Variants in FAF1 observed in about 807,000 individuals in gnomAD.
The protein encoded by FAF1 is FAS-associated factor 1.
In FAF1, 25 loss-of-function variants were observed where a neutral mutation model predicts 92.5. The observed-to-expected ratio is 0.27, with a 90% confidence interval of 0.20 to 0.38. The LOEUF (loss-of-function observed/expected upper bound fraction) is 0.38, where lower values mean the gene tolerates loss of function less well. FAF1 is among the 10% of genes least tolerant of loss of function. The probability of loss-of-function intolerance (pLI) is 1.00; values close to 1 mark genes in which losing one functional copy is unlikely to be tolerated. For missense variants in FAF1, 636 were observed against 793.3 expected (o/e 0.80, Z 2.38); for synonymous variants, 234 against 273.2 (o/e 0.86, Z 1.42).
intron 15 of FAF1, among the ~76,000 whole-genome samples, chr1:50,525,175 T>A (rs1267537523): frequency 6.6e-6 from 1 of 152,222 alleles, no homozygotes. Context: ...CGTGAGCCAC[T>A]GTGCCTGGCC....
At chr1:50,862,373 C>A (rs560300089) in intron 1 of FAF1, among the ~76,000 whole-genome samples, 25 of 151,796 alleles carry the variant, frequency 1.6e-4, no homozygotes, top group African/African-American at 6.0e-4. Flanking sequence ...AATAAAGTGT[C>A]AAAAATAGAG....
chr1:50,905,961 A>T (rs1027976654), intron 1 of FAF1, among the ~76,000 whole-genome samples: 14 of 152,108 alleles, frequency 9.2e-5, no homozygotes, highest in Non-Finnish European at 1.9e-4. Context: ...CCCATGCCTA[A>T]GTCCTGAATG....
At chr1:50,826,339 T>G (rs1010684869) in intron 2 of FAF1, among the ~76,000 whole-genome samples, 11 of 152,046 alleles carry the variant, frequency 7.2e-5, no homozygotes, top group Admixed American at 1.3e-4. Flanking sequence ...TCACTTGAGA[T>G]CTGGAGTTCA....
chr1:50,623,883 A>C (rs982313664), intron 8 of FAF1, among the ~76,000 whole-genome samples: 6 of 151,810 alleles, frequency 4.0e-5, no homozygotes, highest in Admixed American at 6.6e-5. Flanking sequence ...GGCTGCAGTG[A>C]GTTGTGATTG....
At chr1:50,823,611 A>C (rs913973939) in intron 2 of FAF1, among the ~76,000 whole-genome samples, 3 of 152,164 alleles carry the variant, frequency 2.0e-5, no homozygotes, top group Non-Finnish European at 2.9e-5. Flanking sequence ...TTCCAAAGAA[A>C]AGAGAAAACT....
At chr1:50,509,276 A>C (rs1372830167) in intron 15 of FAF1, among the ~76,000 whole-genome samples, 4 of 152,208 alleles carry the variant, frequency 2.6e-5, no homozygotes, top group African/African-American at 9.6e-5. Flanking sequence ...TAAAGTATAA[A>C]TGATGAGGGC....
chr1:50,751,150 T>TAA lies in FAF1; in HGVS notation c.368-6377_368-6376dup, dbSNP rs201412517. Among the ~76,000 whole-genome samples, 97 of 141,236 alleles carry TAA rather than the reference T, an allele frequency of 6.9e-4. No homozygotes were observed. The East Asian group carries it at 9.4e-3, about 14-fold the overall frequency. 92.7% of individuals were successfully genotyped at this position (141,236 alleles called of 152,430 possible). ...ACAATATTCAACACCCATTTCATGTTAAAAAAAAAAAAGAGCTAAACTTAG... is the reference window on the plus strand; with the variant it reads ...ACAATATTCAACACCCATTTCATGTTAAAAAAAAAAAAAAGAGCTAAACTTAG... On this transcript the variant is annotated intron_variant, in intron 4 of 18. Coordinates refer to ENST00000396153, the MANE Select transcript of FAF1 (RefSeq NM_007051.3).
At chr1:50,718,838 G>A (rs536889777) in intron 6 of FAF1, among the ~76,000 whole-genome samples, 1 of 151,500 alleles carries the variant, frequency 6.6e-6, no homozygotes, top group Non-Finnish European at 1.5e-5. Context: ...TATCTCTTTA[G>A]CTACATCAAG....
At position 50,468,927 on chromosome 1, in the gene FAF1, C is replaced by T. The variant is rs142373908; in HGVS notation, c.1869+6537G>A. Among the ~76,000 whole-genome samples, 9 of 152,264 alleles carry T rather than the reference C, an allele frequency of 5.9e-5. No homozygotes were observed. The East Asian group carries it at 1.7e-3, about 29-fold the overall frequency. On this transcript the variant is annotated intron_variant, in intron 18 of 18. Transcript: ENST00000396153. Reference sequence around the variant, plus strand: ...TAAAATTTAAAAAATTTAAAACTTACAATTTAGAAAATAAATTTCTTAAAC... The same window carrying T: ...TAAAATTTAAAAAATTTAAAACTTATAATTTAGAAAATAAATTTCTTAAAC...
intron 2 of FAF1, among the ~76,000 whole-genome samples, chr1:50,834,919 T>C (rs1175148256): frequency 6.6e-6 from 1 of 152,204 alleles, no homozygotes; most frequent in Non-Finnish European, 1.5e-5. Context: ...GTGAAGGCAT[T>C]ATAAAGACTT....
intron 18 of FAF1, among the ~76,000 whole-genome samples, chr1:50,466,049 A>T (rs896260526): frequency 6.6e-6 from 1 of 152,196 alleles, no homozygotes; most frequent in Admixed American, 6.5e-5. Flanking sequence ...ATTAAAAAAA[A>T]ATCGCTGTCT....
intron 8 of FAF1, among the ~76,000 whole-genome samples, chr1:50,654,997 T>G (rs995545126): frequency 6.7e-6 from 1 of 148,254 alleles, no homozygotes; most frequent in African/African-American, 2.5e-5. Context: ...TGAGATGGAG[T>G]TTCGCTTTTG....
intron 7 of FAF1, among the ~76,000 whole-genome samples, chr1:50,661,302 C>T (rs1010230282): frequency 4.6e-5 from 7 of 152,076 alleles, no homozygotes; most frequent in East Asian, 1.9e-4. Flanking sequence ...TGCCAGAACG[C>T]TACTGTGATA....
intron 8 of FAF1, among the ~76,000 whole-genome samples, chr1:50,624,752 C>A (rs1653411792): frequency 6.6e-6 from 1 of 152,144 alleles, no homozygotes; most frequent in Admixed American, 6.5e-5. Flanking sequence ...CACATATATT[C>A]CCTTGGTGTG....
At chr1:50,442,793 T>C (rs775677663) in intron 18 of FAF1, among the ~76,000 whole-genome samples, 1 of 152,170 alleles carries the variant, frequency 6.6e-6, no homozygotes, top group Non-Finnish European at 1.5e-5. Context: ...AAGGGGAAAC[T>C]ATCTTCAGCT....
chr1:50,629,327 G>A lies in FAF1; in HGVS notation c.744+26115C>T, dbSNP rs146715768. On this transcript the variant is annotated intron_variant, in intron 8 of 18. Coordinates refer to ENST00000396153, the MANE Select transcript of FAF1 (RefSeq NM_007051.3). Reference sequence around the variant, plus strand: ...TGAAATTATAGGTGCATGGCACCACGCCCAGCTAAGTGTTGTATTTTAATA... The same window carrying A: ...TGAAATTATAGGTGCATGGCACCACACCCAGCTAAGTGTTGTATTTTAATA... Among the ~76,000 whole-genome samples, 499 of 152,186 alleles carry A rather than the reference G, an allele frequency of 3.3e-3. 14 individuals are homozygous for A. The highest frequency in any genetic ancestry group is 0.027 in the Admixed American group (417 of 15,290).
At chr1:50,793,532 G>A (rs536758980) in intron 3 of FAF1, among the ~76,000 whole-genome samples, 72 of 152,244 alleles carry the variant, frequency 4.7e-4, no homozygotes, top group South Asian at 1.5e-3. Context: ...AAACACACTC[G>A]GTAACTGGTA....
At chr1:50,801,843 TCA>T (rs1377022169) in intron 2 of FAF1, among the ~76,000 whole-genome samples, 166 bp from the exon 3 acceptor site, 1 of 152,208 alleles carries the variant, frequency 6.6e-6, no homozygotes, top group East Asian at 1.9e-4. Flanking sequence ...TCTATATTTC[TCA>T]GTTATAAAAT....
chr1:50,506,671 T>C (rs938335255), intron 15 of FAF1, among the ~76,000 whole-genome samples: 1 of 152,236 alleles, frequency 6.6e-6, no homozygotes, highest in Non-Finnish European at 1.5e-5. Flanking sequence ...CAGCGTAAGT[T>C]AATGTATGGT....
Sources: allele counts gnomAD v4.1 joint callset (sites outside exome capture counted in the v4.1 genomes callset), GRCh38; gene constraint gnomAD v4.1.1; transcripts MANE v1.5; gene names NCBI Gene and HGNC (gene_info 2026-07-23, HGNC 2026-07-21).